The following CEACAM21 variants were observed in gnomAD, a reference collection of about 807,000 sequenced individuals.
The protein encoded by CEACAM21 is CEA cell adhesion molecule 21.
Under a neutral mutation model 33.2 loss-of-function variants are expected in CEACAM21, and 38 were observed. That is an observed-to-expected ratio of 1.14 (90% CI 0.88 to 1.50). CEACAM21 has a LOEUF of 1.50. Among genes scored for constraint, CEACAM21 ranks in the 40% most tolerant of loss-of-function variants. The pLI is 0.00. For synonymous variants in CEACAM21, 156 were observed against 143.0 expected (o/e 1.09, Z -0.65); for missense variants, 385 against 364.6 (o/e 1.06, Z -0.46).
Position 41,576,185 on chromosome 19 carries a change from C to T in CEACAM21, c.-90C>T. 6.8e-7 allele frequency: 1 copy of T among 1,466,370 alleles called. No individual in the cohort carries two copies. Among genetic ancestry groups the T allele is most frequent in the Non-Finnish European group, 9.5e-7 (1 of 1,053,234 alleles). 90.8% of individuals were successfully genotyped at this position (1,466,370 alleles called of 1,614,324 possible). A position where few individuals can be genotyped will look rare whatever the true frequency, so the allele number is the denominator to read the frequency against. ...CTCAGCATAGAGGAAGGAAGGACAGCAGAGACAACAGTCACAGTAACCCTG... is the reference window on the plus strand; with the variant it reads ...CTCAGCATAGAGGAAGGAAGGACAGTAGAGACAACAGTCACAGTAACCCTG... On this transcript the variant is annotated 5_prime_UTR_variant, in exon 1 of 7. Transcript: ENST00000401445.
At chr19:41,564,335 T>A (rs886949347) in intron 1 of CEACAM21, among the ~76,000 whole-genome samples, 2 of 83,184 alleles carry the variant, frequency 2.4e-5, no homozygotes, top group African/African-American at 1.2e-4. Context: ...TTATTTATTA[T>A]TTATTTATTT....
chr19:41,550,315 T>C (rs575301786), intron 1 of CEACAM21: 1 of 152,320 alleles, frequency 6.6e-6, no homozygotes, highest in Admixed American at 6.5e-5. Context: ...AGCATAAATA[T>C]GTACAAGTAT....
chr19:41,574,415 T>C (rs2042798768), upstream of CEACAM21, among the ~76,000 whole-genome samples: 1 of 152,182 alleles, frequency 6.6e-6, no homozygotes, highest in Admixed American at 6.5e-5. Context: ...AGACACAGAA[T>C]ATGAGAAAAA....
chr19:41,559,032 C>A (rs1407082368), intron 1 of CEACAM21, among the ~76,000 whole-genome samples: 1 of 152,122 alleles, frequency 6.6e-6, no homozygotes, highest in Non-Finnish European at 1.5e-5. Flanking sequence ...ACATTCCTAC[C>A]TGTAATTGAT....
chr19:41,575,581 C>T (rs1279576083), upstream of CEACAM21, among the ~76,000 whole-genome samples: 1 of 152,180 alleles, frequency 6.6e-6, no homozygotes, highest in Non-Finnish European at 1.5e-5. Context: ...GAAACCTTCA[C>T]CAAGGACAGC....
chr19:41,554,471 T>C (rs2041419859), intron 1 of CEACAM21, among the ~76,000 whole-genome samples: 1 of 152,014 alleles, frequency 6.6e-6, no homozygotes, highest in African/African-American at 2.4e-5. Context: ...ATAGCAGAAT[T>C]ATAGGAGTCT....
intron 2 of CEACAM21, among the ~76,000 whole-genome samples, chr19:41,568,193 A>G (rs184076533): frequency 1.6e-3 from 247 of 152,064 alleles, no homozygotes; most frequent in African/African-American, 5.7e-3. Context: ...ATATATATGT[A>G]TATATTTACA....
chr19:41,571,414 A>C (rs1287509223), upstream of CEACAM21, among the ~76,000 whole-genome samples: 1 of 152,188 alleles, frequency 6.6e-6, no homozygotes, highest in Non-Finnish European at 1.5e-5. Flanking sequence ...TCTATACAAC[A>C]AAAACCAGAA....
intron 2 of CEACAM21, among the ~76,000 whole-genome samples, chr19:41,569,961 C>T (rs1343954826): frequency 2.6e-5 from 4 of 152,188 alleles, no homozygotes; most frequent in Admixed American, 1.3e-4. Flanking sequence ...CCTGCTCCTC[C>T]CCCTGGCCCA....
At chr19:41,579,676 A>G (rs782317414) in intron 3 of CEACAM21, 48 bp downstream of exon 3, 1 of 1,321,290 alleles carries the variant, frequency 7.6e-7, no homozygotes, top group Non-Finnish European at 1.0e-6. Context: ...ATATTTTCCT[A>G]GGAGGGAGGG....
chr19:41,574,571 C>T (rs2191019), upstream of CEACAM21, among the ~76,000 whole-genome samples: 63,817 of 151,882 alleles, frequency 0.42, 17,543 homozygotes, highest in African/African-American at 0.79. Flanking sequence ...AAATTGTCAG[C>T]AAATACATGA....
chr19:41,580,318 G>GGC (rs1352139053), intron 3 of CEACAM21, among the ~76,000 whole-genome samples: 1 of 151,870 alleles, frequency 6.6e-6, no homozygotes, highest in East Asian at 2.0e-4. Flanking sequence ...GATGGGGGGG[G>GGC]GTTTCTCCCA....
exon 2 of CEACAM21, chr19:41,564,727 G>C (rs1381678431): frequency 6.6e-6 from 1 of 152,252 alleles, no homozygotes; most frequent in Non-Finnish European, 1.5e-5. Flanking sequence ...TGGATGCTGG[G>C]AAGAGATGGT....
chr19:41,552,510 T>C (rs2041272879), intron 1 of CEACAM21, among the ~76,000 whole-genome samples: 1 of 152,256 alleles, frequency 6.6e-6, no homozygotes, highest in Non-Finnish European at 1.5e-5. Flanking sequence ...CTTTTGATAC[T>C]GAACTTAACC....
intron 1 of CEACAM21, among the ~76,000 whole-genome samples, chr19:41,557,314 G>A (rs889379284): frequency 3.9e-5 from 6 of 152,258 alleles, no homozygotes; most frequent in South Asian, 2.1e-4. Context: ...ACTCTGTGGC[G>A]TGTCACTTAG....
At chr19:41,570,752 A>G (rs1394524585) in intron 2 of CEACAM21, among the ~76,000 whole-genome samples, 1 of 152,184 alleles carries the variant, frequency 6.6e-6, no homozygotes, top group African/African-American at 2.4e-5. Context: ...AAGCAGCCAC[A>G]TTTGTCTCAG....
At chr19:41,581,588 T>A (rs1367809793) in intron 3 of CEACAM21, among the ~76,000 whole-genome samples, 1 of 152,174 alleles carries the variant, frequency 6.6e-6, no homozygotes, top group Non-Finnish European at 1.5e-5. Context: ...TTTTTAAAAA[T>A]GAGGTTTAAT....
At chr19:41,572,233 C>A (rs553384430), upstream of CEACAM21, among the ~76,000 whole-genome samples, 1 of 152,176 alleles carries the variant, frequency 6.6e-6, no homozygotes, top group South Asian at 2.1e-4. Context: ...TTTTAAAAGA[C>A]CATTCTGGTA....
intron 1 of CEACAM21, among the ~76,000 whole-genome samples, chr19:41,561,924 C>T (rs1369863389): frequency 2.6e-5 from 4 of 152,148 alleles, no homozygotes; most frequent in Non-Finnish European, 5.9e-5. Context: ...ATGATACATT[C>T]TATTATATTA....
Sources: gnomAD v4.1 joint callset for allele counts (sites outside exome capture counted in the v4.1 genomes callset) on GRCh38, gnomAD v4.1.1 for gene constraint, MANE v1.5 for transcripts, NCBI Gene and HGNC (gene_info 2026-07-23, HGNC 2026-07-21) for gene names.